The following ADCY2 variants were observed in gnomAD, a reference collection of about 807,000 sequenced individuals.
ADCY2 encodes the protein adenylate cyclase 2, also known as adenylate cyclase type 2.
ADCY2 carries 31 observed loss-of-function variants against 125.2 expected under a neutral mutation model. The observed-to-expected ratio is 0.25, with a 90% CI of 0.19 to 0.33. The LOEUF is 0.33. ADCY2 is among the 10% of genes least tolerant of loss of function. The pLI is 1.00. For missense variants in ADCY2, 904 were observed against 1,418.2 expected, an observed-to-expected ratio of 0.64 and a Z score of 5.82; for synonymous variants, 512 against 548.4, an observed-to-expected ratio of 0.93 and a Z score of 0.93.
At chr5:7,397,456 T>TG (rs1185406951) in intron 1 of ADCY2, among the ~76,000 whole-genome samples, 6 of 145,972 alleles carry the variant, frequency 4.1e-5, no homozygotes, top group Admixed American at 6.8e-5. Flanking sequence ...TTTTTTTTTT[T>TG]TTTTTTTTTT....
chr5:7,638,518 C>T (rs533844894), intron 4 of ADCY2, among the ~76,000 whole-genome samples: 176 of 152,304 alleles, frequency 1.2e-3, no homozygotes, highest in African/African-American at 4.0e-3. Flanking sequence ...AGAAAACACA[C>T]TCCTGGCATG....
chr5:7,736,970 C>T (rs1472179223), intron 14 of ADCY2, among the ~76,000 whole-genome samples: 1 of 151,990 alleles, frequency 6.6e-6, no homozygotes, highest in Non-Finnish European at 1.5e-5. Context: ...TACATATTTG[C>T]TCAATACTTC....
chr5:7,762,602 T>C (rs1411418441), intron 16 of ADCY2, among the ~76,000 whole-genome samples: 1 of 152,224 alleles, frequency 6.6e-6, no homozygotes. Flanking sequence ...TGAAACCTAG[T>C]CTTTACCTAC....
intron 4 of ADCY2, among the ~76,000 whole-genome samples, chr5:7,643,687 G>A (rs1257584950): frequency 6.6e-6 from 1 of 150,950 alleles, no homozygotes; most frequent in Non-Finnish European, 1.5e-5. Context: ...AACATAGTTT[G>A]CTTTTTGGAG....
chr5:7,826,950 T>C lies in ADCY2; in HGVS notation c.*79T>C. 1 of 1,505,754 alleles carries C rather than the reference T, an allele frequency of 6.6e-7. No individual in the cohort carries two copies. The highest frequency in any genetic ancestry group is 1.3e-5 in the South Asian group (1 of 76,592). The allele number at this position is 1,505,754 out of a possible 1,614,324, so 93.3% of individuals were successfully genotyped here. A position where few individuals can be genotyped will look rare whatever the true frequency, so the allele number is the denominator to read the frequency against. On this transcript the variant is annotated 3_prime_UTR_variant, in exon 25 of 25. Coordinates refer to ENST00000338316, the MANE Select transcript of ADCY2 (RefSeq NM_020546.3). ...CTTTCTGACTGCAACTTCTGTCCCT[T>C]GTTTTTGATGTGCGTGCTGTCTGTC...
chr5:7,524,546 G>A (rs1031795342), intron 3 of ADCY2, among the ~76,000 whole-genome samples: 4 of 152,196 alleles, frequency 2.6e-5, no homozygotes, highest in African/African-American at 9.7e-5. Context: ...GTGTTCTCCA[G>A]TCTCTTTGAT....
chr5:7,486,136 GC>G (rs752585257), intron 2 of ADCY2, among the ~76,000 whole-genome samples: 68 of 152,320 alleles, frequency 4.5e-4, no homozygotes, highest in Non-Finnish European at 8.4e-4. Flanking sequence ...GTCTCTAGGT[GC>G]AGGTGGGCAT....
intron 4 of ADCY2, among the ~76,000 whole-genome samples, chr5:7,660,204 A>G (rs1177784779): frequency 1.4e-5 from 2 of 143,128 alleles, no homozygotes; most frequent in African/African-American, 5.1e-5. Flanking sequence ...AAAAGAAAGA[A>G]AGAAAAGGAT....
At chr5:7,696,765 A>G (rs2126324238) in intron 6 of ADCY2, among the ~76,000 whole-genome samples, 1 of 152,122 alleles carries the variant, frequency 6.6e-6, no homozygotes, top group East Asian at 1.9e-4. Flanking sequence ...TAGCATGATC[A>G]TTCTTGGGCC....
Position 7,695,546 on chromosome 5 carries a change from C to T in ADCY2, c.870-206C>T, listed in dbSNP as rs189297977. On this transcript the variant is annotated intron_variant, in intron 5 of 24. Transcript: ENST00000338316. ...ATTATTTTGCTGCTTCACTCCCCAT[C>T]TTAACTACAAAAGTTTAACCTCAAA... Among the ~76,000 whole-genome samples the T allele has an allele frequency of 4.3e-4, 65 of 152,294 alleles. No individual in the cohort carries two copies. In the Middle Eastern group the frequency reaches 0.01, roughly 24 times the overall value.
At chr5:7,658,797 G>A (rs1014259459) in intron 4 of ADCY2, among the ~76,000 whole-genome samples, 3 of 152,192 alleles carry the variant, frequency 2.0e-5, no homozygotes, top group Non-Finnish European at 4.4e-5. Flanking sequence ...ATGCTGGACC[G>A]AGGGAAGAGC....
rs371586924 is a variant in ADCY2 at position 7,712,322 on chromosome 5, G to A, written c.1579-534G>A. ...TCTGTCTCTCTTCCATTTCTCTTGG[G>A]AACTACCAGCGCTCCTTTGCCGATT... On this transcript the variant is annotated intron_variant, in intron 10 of 24. Transcript: ENST00000338316. Among the ~76,000 whole-genome samples the A allele has an allele frequency of 5.3e-5, 8 of 152,222 alleles. No homozygotes were observed. The South Asian group carries it at 1.7e-3, about 32-fold the overall frequency.
Position 7,506,889 on chromosome 5 carries a change from G to A in ADCY2, c.409-13849G>A, listed in dbSNP as rs539401631. The stretch of plus-strand genomic sequence containing the variant: ...TGCAAGCCCCGCCTCCCGGGTTCAC[G>A]CCATTCTCCTGCCTCAGCCTCCTGA... On this transcript the variant is annotated intron_variant, in intron 2 of 24. Coordinates refer to ENST00000338316, the MANE Select transcript of ADCY2 (RefSeq NM_020546.3). Among the ~76,000 whole-genome samples the A allele has an allele frequency of 5.5e-3, 718 of 130,920 alleles. 6 individuals are homozygous for A. Among genetic ancestry groups the A allele is most frequent in the Non-Finnish European group, 8.3e-3 (537 of 64,536 alleles). The allele number at this position is 130,920 out of a possible 152,430, so 85.9% of individuals were successfully genotyped here.
At chr5:7,792,864 G>C (rs928578936) in intron 20 of ADCY2, among the ~76,000 whole-genome samples, 4 of 152,206 alleles carry the variant, frequency 2.6e-5, no homozygotes, top group Admixed American at 2.0e-4. Flanking sequence ...CCAGTTGCTG[G>C]AGGCAGGCTG....
chr5:7,810,213 A>G (rs1037876833), intron 22 of ADCY2, among the ~76,000 whole-genome samples: 1 of 152,026 alleles, frequency 6.6e-6, no homozygotes, highest in Admixed American at 6.6e-5. Flanking sequence ...CTGAAAATTG[A>G]TGGGTTATCT....
chr5:7,507,206 CCGAGGCGGGCGGATCA>C (rs1743858175), intron 2 of ADCY2, among the ~76,000 whole-genome samples: 1 of 148,706 alleles, frequency 6.7e-6, no homozygotes, highest in Admixed American at 6.7e-5. Context: ...CTTTGGGAGG[CCGAGGCGGGCGGATCA>C]CGAGGTCAGG....
At chr5:7,707,532 G>T (rs920746315) in intron 8 of ADCY2, among the ~76,000 whole-genome samples, 174 bp from the exon 9 acceptor site, 1 of 152,194 alleles carries the variant, frequency 6.6e-6, no homozygotes, top group African/African-American at 2.4e-5. Flanking sequence ...AGTAGTGCAC[G>T]ACCTCTAAGA....
At chr5:7,439,554 AC>A (rs1305451382) in intron 2 of ADCY2, among the ~76,000 whole-genome samples, 5 of 151,930 alleles carry the variant, frequency 3.3e-5, no homozygotes, top group Admixed American at 6.6e-5. Context: ...ACACACACAC[AC>A]ACACACAAAA....
rs16878677 is a variant in ADCY2 at position 7,467,725 on chromosome 5, C to G, written c.408+52955C>G. On this transcript the variant is annotated intron_variant, in intron 2 of 24. Transcript: ENST00000338316. ...AACTCCTTGAGAAGACTGTCATATT[C>G]CTCTCTCTCTACAGTCTCTTAGAGG... Among the ~76,000 whole-genome samples the G allele has an allele frequency of 7.8e-3, 1,194 of 152,236 alleles. 6 individuals are homozygous for G. The highest frequency in any genetic ancestry group is 0.027 in the African/African-American group (1,117 of 41,530).
Sources: allele counts gnomAD v4.1 joint callset (sites outside exome capture counted in the v4.1 genomes callset), GRCh38; gene constraint gnomAD v4.1.1; transcripts MANE v1.5; gene names NCBI Gene and HGNC (gene_info 2026-07-23, HGNC 2026-07-21).